Variants in NBEA observed in about 807,000 individuals in gnomAD.
NBEA encodes lysosomal-trafficking regulator 2.
NBEA carries 44 observed loss-of-function variants against 343.4 expected under a neutral mutation model. That is an observed-to-expected ratio of 0.13 (90% CI 0.10 to 0.16). The LOEUF is 0.16. NBEA is among the 10% of genes least tolerant of loss of function. The pLI, the probability that NBEA is intolerant of heterozygous loss-of-function variation, is 1.00. For synonymous variants in NBEA, 1,175 were observed against 1,238.7 expected (o/e 0.95, Z 1.08); for missense variants, 2,555 against 3,631.3 (o/e 0.70, Z 7.62).
intron 47 of NBEA, among the ~76,000 whole-genome samples, chr13:35,604,833 T>G (rs1243285708): frequency 6.6e-6 from 1 of 152,116 alleles, no homozygotes. Flanking sequence ...GGTTTTCATC[T>G]TAGCCATGCT....
chr13:35,173,070 A>T (rs916725749), intron 26 of NBEA, among the ~76,000 whole-genome samples: 6 of 151,938 alleles, frequency 3.9e-5, no homozygotes, highest in African/African-American at 1.4e-4. Flanking sequence ...AGATAGTCAA[A>T]TTAAGGGCAG....
chr13:35,614,802 C>T (rs1368048370), intron 48 of NBEA, among the ~76,000 whole-genome samples: 3 of 152,176 alleles, frequency 2.0e-5, no homozygotes, highest in Admixed American at 1.3e-4. Context: ...TCTCCTCTTT[C>T]CTCATTCCAA....
intron 55 of NBEA, among the ~76,000 whole-genome samples, chr13:35,658,176 C>A (rs535905123): frequency 1.7e-3 from 266 of 152,038 alleles, no homozygotes; most frequent in African/African-American, 6.1e-3. Context: ...AAAGCAGTGT[C>A]ATATTTTAGT....
rs780298846 is a variant in NBEA at position 35,579,929 on chromosome 13, G to A, written c.7036-3969G>A. Among the ~76,000 whole-genome samples the A allele has an allele frequency of 1.1e-3, 174 of 152,076 alleles. 1 individual carries two copies. The highest frequency in any genetic ancestry group is 2.4e-3 in the Non-Finnish European group (161 of 67,956). On this transcript the variant is annotated intron_variant, in intron 45 of 58. Transcript: ENST00000379939. ...CAGCATTATTTCTTCACTAACTACA[G>A]TAGTGTTTCATGTGAACATCCTAAT...
intron 41 of NBEA, among the ~76,000 whole-genome samples, chr13:35,499,998 C>A (rs538088077): frequency 2.0e-5 from 3 of 152,106 alleles, no homozygotes; most frequent in Non-Finnish European, 4.4e-5. Context: ...TGCTCTACAG[C>A]TGCTCTTCTG....
At chr13:35,345,196 C>T (rs971886036) in intron 36 of NBEA, among the ~76,000 whole-genome samples, 6 of 151,948 alleles carry the variant, frequency 3.9e-5, no homozygotes, top group South Asian at 2.1e-4. Context: ...AGGTCAGTAA[C>T]GTTCATGATT....
intron 38 of NBEA, among the ~76,000 whole-genome samples, chr13:35,372,254 G>C (rs547635720): frequency 2.0e-5 from 3 of 152,324 alleles, no homozygotes; most frequent in Admixed American, 1.3e-4. Context: ...GCTAGCATTG[G>C]CGGTGGCTGT....
intron 41 of NBEA, among the ~76,000 whole-genome samples, chr13:35,516,135 A>G (rs2077478028): frequency 6.6e-6 from 1 of 152,178 alleles, no homozygotes; most frequent in South Asian, 2.1e-4. Context: ...ATCATATTAC[A>G]AGCTTAAATA....
At chr13:35,090,784 A>G (rs1274616125) in intron 10 of NBEA, among the ~76,000 whole-genome samples, 2 of 151,788 alleles carry the variant, frequency 1.3e-5, no homozygotes, top group African/African-American at 4.8e-5. Flanking sequence ...TGTTTCTCCT[A>G]CTCAATGCAA....
At chr13:35,291,609 A>G (rs1167422040) in intron 35 of NBEA, among the ~76,000 whole-genome samples, 3 of 151,928 alleles carry the variant, frequency 2.0e-5, no homozygotes, top group Admixed American at 6.6e-5. Flanking sequence ...TTTTCGATTC[A>G]TGATGATGCA....
chr13:35,671,051 G>A lies in NBEA; in HGVS notation c.*60G>A. Reference sequence around the variant, plus strand: ...GAGAGCACAAGTGCTGCATGGAAAGGCAATATCTCTGGTGGAAAAAACTCG... The same window carrying A: ...GAGAGCACAAGTGCTGCATGGAAAGACAATATCTCTGGTGGAAAAAACTCG... On this transcript the variant is annotated 3_prime_UTR_variant, in exon 59 of 59. Coordinates refer to ENST00000379939, the MANE Select transcript of NBEA (RefSeq NM_001385012.1). 11 of 1,261,634 alleles carry A rather than the reference G, an allele frequency of 8.7e-6. No homozygotes were observed. The highest frequency in any genetic ancestry group is 1.2e-5 in the Non-Finnish European group (11 of 892,888). The allele number at this position is 1,261,634 out of a possible 1,614,324, so 78.2% of individuals were successfully genotyped here.
intron 34 of NBEA, among the ~76,000 whole-genome samples, chr13:35,255,535 G>A (rs890826246): frequency 6.6e-6 from 1 of 152,254 alleles, no homozygotes; most frequent in African/African-American, 2.4e-5. Flanking sequence ...AAAGCTCTAG[G>A]CACTGGCACA....
At chr13:34,943,389 C>A (rs1307849160) in intron 1 of NBEA, among the ~76,000 whole-genome samples, 1 of 152,014 alleles carries the variant, frequency 6.6e-6, no homozygotes, top group East Asian at 1.9e-4. Context: ...CGCGAGTAAC[C>A]CAGTACCCGC....
chr13:35,287,517 T>C (rs2035508297), intron 34 of NBEA, among the ~76,000 whole-genome samples: 1 of 152,068 alleles, frequency 6.6e-6, no homozygotes, highest in African/African-American at 2.4e-5. Context: ...AACACTCTTA[T>C]AGTCTATTCA....
intron 28 of NBEA, among the ~76,000 whole-genome samples, chr13:35,177,579 T>C (rs776381402): frequency 1.2e-4 from 18 of 151,826 alleles, no homozygotes; most frequent in Admixed American, 6.6e-4. Context: ...GTTAGAAAGA[T>C]AGCTTAATAA....
intron 38 of NBEA, among the ~76,000 whole-genome samples, chr13:35,362,652 C>A (rs1466695559): frequency 6.6e-6 from 1 of 151,816 alleles, no homozygotes; most frequent in Non-Finnish European, 1.5e-5. Context: ...ATATTTACAT[C>A]ATAGATTATA....
chr13:35,408,678 T>TA (rs55825733), intron 38 of NBEA, among the ~76,000 whole-genome samples: 149,001 of 152,258 alleles, frequency 0.98, 72,977 homozygotes, highest in East Asian at 1. Flanking sequence ...ACAACCCAAT[T>TA]AAAAATGGGA....
intron 38 of NBEA, among the ~76,000 whole-genome samples, chr13:35,378,907 G>A (rs371477356): frequency 1.9e-4 from 29 of 152,006 alleles, no homozygotes; most frequent in Admixed American, 1.4e-3. Flanking sequence ...TAGTATAAAC[G>A]TTTTTGTCTA....
At chr13:35,069,289 C>T (rs1186548441) in intron 8 of NBEA, among the ~76,000 whole-genome samples, 2 of 152,062 alleles carry the variant, frequency 1.3e-5, no homozygotes, top group Admixed American at 1.3e-4. Flanking sequence ...GCAATTTTAA[C>T]CACATCTAAC....
Sources: allele counts gnomAD v4.1 joint callset (sites outside exome capture counted in the v4.1 genomes callset), GRCh38; gene constraint gnomAD v4.1.1; transcripts MANE v1.5; gene names NCBI Gene and HGNC (gene_info 2026-07-23, HGNC 2026-07-21).